The following ERH variants were observed in gnomAD, a reference collection of about 807,000 sequenced individuals.
The protein encoded by ERH is ERH mRNA splicing and mitosis factor, also known as enhancer of rudimentary homolog.
A neutral mutation model predicts 16.8 loss-of-function variants in ERH; 1 was observed. The ratio of observed to expected loss-of-function variants is 0.06; its 90% CI spans 0.02 to 0.28. The LOEUF is 0.28. ERH is among the 10% of genes least tolerant of loss of function. The pLI, the probability that ERH is intolerant of heterozygous loss-of-function variation, is 1.00. For missense variants in ERH, 42 were observed against 127.5 expected, an observed-to-expected ratio of 0.33 and a Z score of 3.23; for synonymous variants, 43 against 43.6, an observed-to-expected ratio of 0.99 and a Z score of 0.05.
In ERH at chr14:69,380,380, A is replaced by G. The variant is rs559998535; in HGVS notation, c.*158T>C. On this transcript the variant is annotated 3_prime_UTR_variant, in exon 4 of 4. Transcript: ENST00000557016. ...AAAGAGGAGGTAACGGGGGTTTCCGATTGAACAAGATCCTCACATTTCATC... is the reference window on the plus strand; with the variant it reads ...AAAGAGGAGGTAACGGGGGTTTCCGGTTGAACAAGATCCTCACATTTCATC... The G allele has an allele frequency of 3.8e-4, 172 of 448,194 alleles. 1 individual carries two copies. Among genetic ancestry groups the G allele is most frequent in the African/African-American group, 2.6e-3 (127 of 49,606 alleles). The allele number at this position is 448,194 out of a possible 1,614,324, so 27.8% of individuals were successfully genotyped here.
rs1882299206 is a variant in ERH at position 69,394,918 on chromosome 14, G to A, written c.4-6C>T. 1 of 1,596,320 alleles carries A rather than the reference G, an allele frequency of 6.3e-7. No homozygotes were observed. The highest frequency in any genetic ancestry group is 1.7e-5 in the Admixed American group (1 of 58,860). On this transcript the variant is annotated splice_region_variant and splice_polypyrimidine_tract_variant and intron_variant, in intron 1 of 3. Transcript: ENST00000557016. ...ACCAGCAAAATGGTGTGAGACTGCA[G>A]GGGAAAACATGATTTCAATATAAGT...
chr14:69,397,795 G>A (rs1309266374), intron 1 of ERH, among the ~76,000 whole-genome samples: 3 of 151,720 alleles, frequency 2.0e-5, no homozygotes, highest in Admixed American at 6.6e-5. Flanking sequence ...GCGGGCGCCT[G>A]TAATCCCAGC....
chr14:69,394,954 GA>G (rs1219724725), intron 1 of ERH, 42 bp from the exon 2 acceptor site: 1 of 1,346,856 alleles, frequency 7.4e-7, no homozygotes, highest in African/African-American at 1.5e-5. Flanking sequence ...TTCTATTTGA[GA>G]AATTCATAGT....
At chr14:69,385,976 G>A (rs933962823) in intron 3 of ERH, among the ~76,000 whole-genome samples, 2 of 152,136 alleles carry the variant, frequency 1.3e-5, no homozygotes, top group African/African-American at 4.8e-5. Context: ...AAACATGCTA[G>A]GCACTCCTAC....
chr14:69,389,790 G>A (rs1220921694), intron 2 of ERH, among the ~76,000 whole-genome samples: 1 of 152,100 alleles, frequency 6.6e-6, no homozygotes, highest in Non-Finnish European at 1.5e-5. Flanking sequence ...TCTTTCCCTT[G>A]AGACACAGTC....
chr14:69,398,172 C>CTG, intron 1 of ERH, 59 bp downstream of exon 1: 1 of 1,608,752 alleles, frequency 6.2e-7, no homozygotes, highest in Non-Finnish European at 8.5e-7. Context: ...ACGTATGGGG[C>CTG]TGGGGTCGCT....
At chr14:69,382,310 T>C (rs1434621728) in intron 3 of ERH, among the ~76,000 whole-genome samples, 1 of 152,250 alleles carries the variant, frequency 6.6e-6, no homozygotes, top group Non-Finnish European at 1.5e-5. Context: ...GAAAACTCTT[T>C]GTCCATGCTT....
chr14:69,391,517 G>A (rs1317933721), intron 2 of ERH, among the ~76,000 whole-genome samples: 4 of 151,672 alleles, frequency 2.6e-5, no homozygotes, highest in African/African-American at 7.3e-5. Context: ...GCATGGTGGC[G>A]CAGGCCTGTA....
In ERH at chr14:69,393,236, G is replaced by A. The variant is rs117826555; in HGVS notation, c.91+1589C>T. On this transcript the variant is annotated intron_variant, in intron 2 of 3. Transcript: ENST00000557016. Reference sequence around the variant, plus strand: ...GGAGACTGAGGAAGGAGAATCATTTGAACCAAGAAGGCAGAAGTTGCAGTG... The same window carrying A: ...GGAGACTGAGGAAGGAGAATCATTTAAACCAAGAAGGCAGAAGTTGCAGTG... Among the ~76,000 whole-genome samples, 55 of 152,324 alleles carry A rather than the reference G, an allele frequency of 3.6e-4. No homozygotes were observed. In the East Asian group the frequency reaches 9.8e-3, roughly 27 times the overall value.
At chr14:69,382,684 C>CA (rs1423948740) in intron 3 of ERH, among the ~76,000 whole-genome samples, 1 of 148,060 alleles carries the variant, frequency 6.8e-6, no homozygotes, top group Non-Finnish European at 1.5e-5. Flanking sequence ...AAAAAAAATA[C>CA]AAAAATTAGC....
chr14:69,382,588 C>T (rs918327601), intron 3 of ERH, among the ~76,000 whole-genome samples: 4 of 151,860 alleles, frequency 2.6e-5, no homozygotes, highest in African/African-American at 9.7e-5. Context: ...AATCCCAGCA[C>T]TTTGGGAGGC....
intron 3 of ERH, among the ~76,000 whole-genome samples, chr14:69,385,606 C>A (rs61982360): frequency 0.14 from 20,398 of 151,028 alleles, 1,451 homozygotes; most frequent in East Asian, 0.18. Context: ...AGCTACAACC[C>A]CATTTTTCTG....
chr14:69,382,649 T>C (rs777766312), intron 3 of ERH, among the ~76,000 whole-genome samples: 14 of 151,154 alleles, frequency 9.3e-5, no homozygotes, highest in Non-Finnish European at 2.9e-5. Flanking sequence ...CTGACCAACA[T>C]TGTGAAACCC....
At chr14:69,394,777 G>T (rs766342443) in intron 2 of ERH, 48 bp downstream of exon 2, 2 of 1,428,104 alleles carry the variant, frequency 1.4e-6, no homozygotes, top group Non-Finnish European at 1.9e-6. Context: ...GAAAAACCCA[G>T]TTCCTAAATG....
At position 69,380,536 on chromosome 14, in the gene ERH, AATTATTTCCCAGC is replaced by A; in HGVS notation, c.304_*1del. ...CCAACCCCCCCAGTGCTTCCAACACAATTATTTCCCAGCCTGTTGGGCCTGCCGACGAAGGAGC... is the reference window on the plus strand; with the variant it reads ...CCAACCCCCCCAGTGCTTCCAACACACTGTTGGGCCTGCCGACGAAGGAGC... On this transcript the variant is annotated stop_lost and 3_prime_UTR_variant, in exon 4 of 4. Transcript: ENST00000557016. The A allele has an allele frequency of 6.6e-7, 1 of 1,515,864 alleles. No individual in the cohort carries two copies. Among genetic ancestry groups the A allele is most frequent in the Non-Finnish European group, 9.1e-7 (1 of 1,093,442 alleles). The allele number at this position is 1,515,864 out of a possible 1,614,324, so 93.9% of individuals were successfully genotyped here.
intron 3 of ERH, among the ~76,000 whole-genome samples, chr14:69,381,776 C>G (rs2045864994): frequency 6.6e-6 from 1 of 152,280 alleles, no homozygotes; most frequent in African/African-American, 2.4e-5. Flanking sequence ...GCAACCTCTG[C>G]CACCTGGGTT....
chr14:69,394,767 G>A (rs1882296887), intron 2 of ERH, 58 bp downstream of exon 2: 1 of 1,354,960 alleles, frequency 7.4e-7, no homozygotes, highest in Non-Finnish European at 1.0e-6. Flanking sequence ...ATTTGGAGGG[G>A]AAAAACCCAG....
chr14:69,391,967 T>C (rs1391824632), intron 2 of ERH, among the ~76,000 whole-genome samples: 1 of 152,052 alleles, frequency 6.6e-6, no homozygotes, highest in East Asian at 1.9e-4. Context: ...TTAATAATAA[T>C]CTATGAATAT....
At chr14:69,397,704 A>C (rs992059204) in intron 1 of ERH, among the ~76,000 whole-genome samples, 4 of 152,120 alleles carry the variant, frequency 2.6e-5, no homozygotes, top group Non-Finnish European at 5.9e-5. Context: ...GGATTGCTTG[A>C]GGTCAGGAGT....
Sources: allele counts gnomAD v4.1 joint callset (sites outside exome capture counted in the v4.1 genomes callset), GRCh38; gene constraint gnomAD v4.1.1; transcripts MANE v1.5; gene names NCBI Gene and HGNC (gene_info 2026-07-23, HGNC 2026-07-21).